Variants in CRTAP observed in about 807,000 individuals in gnomAD.
CRTAP encodes cartilage-associated protein.
In CRTAP, 33 loss-of-function variants were observed where a neutral mutation model predicts 42.7. That is an observed-to-expected ratio of 0.77 (90% CI 0.59 to 1.03). CRTAP has a LOEUF of 1.03. CRTAP is among the 50% of genes least tolerant of loss of function. The pLI is 0.00. For missense variants in CRTAP, 613 were observed against 533.9 expected (o/e 1.15, Z -1.46); for synonymous variants, 243 against 217.7 (o/e 1.12, Z -1.02).
At chr3:33,137,295 A>C (rs1231035329) in intron 6 of CRTAP, among the ~76,000 whole-genome samples, 2 of 151,998 alleles carry the variant, frequency 1.3e-5, no homozygotes, top group Non-Finnish European at 1.5e-5. Context: ...GCGCACCACC[A>C]CACCCAGCTA....
At chr3:33,137,318 G>A (rs923842345) in intron 6 of CRTAP, among the ~76,000 whole-genome samples, 4 of 151,872 alleles carry the variant, frequency 2.6e-5, no homozygotes, top group African/African-American at 9.7e-5. Flanking sequence ...TTTTTGTATT[G>A]TTAGTTGAGA....
intron 5 of CRTAP, among the ~76,000 whole-genome samples, chr3:33,133,691 G>C (rs561084515): frequency 6.6e-6 from 1 of 152,008 alleles, no homozygotes; most frequent in East Asian, 1.9e-4. Flanking sequence ...ACAATTTGTC[G>C]TGAATATTTC....
At chr3:33,131,211 G>A (rs113997758) in intron 4 of CRTAP, among the ~76,000 whole-genome samples, 2,477 of 151,410 alleles carry the variant, frequency 0.016, 72 homozygotes, top group African/African-American at 0.057. Flanking sequence ...AGTGAGAGAG[G>A]TGATCTTGGC....
chr3:33,135,732 T>G (rs1275568702), intron 6 of CRTAP, among the ~76,000 whole-genome samples: 1 of 152,094 alleles, frequency 6.6e-6, no homozygotes, highest in Non-Finnish European at 1.5e-5. Flanking sequence ...TTTTTATTAT[T>G]AAAGAAAAAA....
rs140178363 is a variant in CRTAP at position 33,120,210 on chromosome 3, T to G, written c.472-134T>G. 2.2e-5 allele frequency: 18 copies of G among 816,700 alleles called. No individual in the cohort carries two copies. In the East Asian group the frequency reaches 4.6e-4, roughly 21 times the overall value. 50.6% of individuals were successfully genotyped at this position (816,700 alleles called of 1,614,324 possible). Reference sequence around the variant, plus strand: ...GCCTGGACTTGGTCTTGAGGGGCCCTGGAAGTCATGGAACCTTTAGCTGGA... The same window carrying G: ...GCCTGGACTTGGTCTTGAGGGGCCCGGGAAGTCATGGAACCTTTAGCTGGA... On this transcript the variant is annotated intron_variant, in intron 1 of 6. Transcript: ENST00000320954.
chr3:33,137,497 A>G (rs2030456971), intron 6 of CRTAP, among the ~76,000 whole-genome samples: 9 of 152,200 alleles, frequency 5.9e-5, no homozygotes, highest in Admixed American at 5.2e-4. Context: ...GGCCATTTGT[A>G]TATCTTTGAA....
At chr3:33,114,688 TCTC>T (rs1244177154) in intron 1 of CRTAP, 140 bp downstream of exon 1, 5 of 751,088 alleles carry the variant, frequency 6.7e-6, no homozygotes, top group African/African-American at 1.8e-5. Context: ...CTGCCAAAGG[TCTC>T]CTCCAAGTCC....
At chr3:33,114,600 T>C in intron 1 of CRTAP, 52 bp downstream of exon 1, 1 of 1,519,146 alleles carries the variant, frequency 6.6e-7, no homozygotes, top group East Asian at 2.4e-5. Flanking sequence ...TGACCCAGCC[T>C]CCAGGCCCTA....
Position 33,120,053 on chromosome 3 carries a change from C to T in CRTAP, c.472-291C>T, listed in dbSNP as rs555447245. Among the ~76,000 whole-genome samples the T allele has an allele frequency of 7.9e-5, 12 of 152,200 alleles. No individual in the cohort carries two copies. The South Asian group carries it at 2.1e-3, about 26-fold the overall frequency. ...GTGAACCTCTTTGGAAGCCAGAGAG[C>T]GAGGGAGTCTGTTGTTATAGTCCAC... On this transcript the variant is annotated intron_variant, in intron 1 of 6. Coordinates refer to ENST00000320954, the MANE Select transcript of CRTAP (RefSeq NM_006371.5).
Position 33,114,082 on chromosome 3 carries a change from A to G in CRTAP, c.5A>G (p.Glu2Gly). The change falls in exon 1 of 7, where the codon GAG (glutamate) becomes GGG (glycine). Residue 2 changes from glutamate (E) to glycine (G), a missense_variant. Coordinates refer to ENST00000320954, the MANE Select transcript of CRTAP (RefSeq NM_006371.5). ...TCCTTCCTTTCGCCGGGCGCGATGGAGCCGGGGCGCCGGGGGGCCGCGGCG... is the reference window on the plus strand; with the variant it reads ...TCCTTCCTTTCGCCGGGCGCGATGGGGCCGGGGCGCCGGGGGGCCGCGGCG... Reference protein sequence around the residue: MEPGRRGAAALL... With the variant: MGPGRRGAAALL... 1 of 1,459,878 alleles carries G rather than the reference A, an allele frequency of 6.8e-7. No individual in the cohort carries two copies. The highest frequency in any genetic ancestry group is 9.0e-7 in the Non-Finnish European group (1 of 1,112,820). 90.4% of individuals were successfully genotyped at this position (1,459,878 alleles called of 1,614,324 possible). A position where few individuals can be genotyped will look rare whatever the true frequency, so the allele number is the denominator to read the frequency against.
In CRTAP at chr3:33,124,486, C is replaced by T. The variant is rs1288180639; in HGVS notation, c.700C>T (p.Pro234Ser). The change falls in exon 3 of 7, where the codon CCC (proline) becomes TCC (serine). Residue 234 changes from proline to serine, a missense_variant. Physicochemically the swap from Pro to Ser is moderately conservative, Grantham distance 74 (BLOSUM62 -1). Transcript: ENST00000320954. The part of the protein sequence containing the change: ...TSITDMELAL[P>S]DFFKAFYECL... Reference sequence around the variant, plus strand: ...CATCACAGACATGGAGCTGGCCCTTCCCGACTTCTTCAAAGCCTTTTACGA... The same window carrying T: ...CATCACAGACATGGAGCTGGCCCTTTCCGACTTCTTCAAAGCCTTTTACGA... 6.2e-7 allele frequency: 1 copy of T among 1,614,112 alleles called. No homozygotes were observed. The highest frequency in any genetic ancestry group is 8.5e-7 in the Non-Finnish European group (1 of 1,180,054).
intron 6 of CRTAP, among the ~76,000 whole-genome samples, chr3:33,140,918 C>G (rs1404753776): frequency 6.6e-6 from 1 of 152,148 alleles, no homozygotes; most frequent in Non-Finnish European, 1.5e-5. Flanking sequence ...GTTGTTCTTG[C>G]CTTTTGTAGT....
intron 6 of CRTAP, among the ~76,000 whole-genome samples, chr3:33,138,822 C>T (rs2030494529): frequency 6.6e-6 from 1 of 151,632 alleles, no homozygotes; most frequent in Non-Finnish European, 1.5e-5. Context: ...GCCTGGGCAA[C>T]ATAGCAAGAC....
intron 3 of CRTAP, among the ~76,000 whole-genome samples, chr3:33,128,556 C>A (rs538381940): frequency 6.6e-6 from 1 of 152,128 alleles, no homozygotes; most frequent in South Asian, 2.1e-4. Context: ...TGTTTGTTTG[C>A]ACCCTTATTG....
intron 6 of CRTAP, among the ~76,000 whole-genome samples, chr3:33,137,416 C>T (rs73045333): frequency 0.13 from 19,359 of 152,266 alleles, 1,529 homozygotes; most frequent in East Asian, 0.26. Context: ...GCTGGGATTA[C>T]AGGCGTGAGC....
chr3:33,123,819 G>A (rs1288828756), intron 2 of CRTAP, among the ~76,000 whole-genome samples: 2 of 151,928 alleles, frequency 1.3e-5, no homozygotes, highest in Non-Finnish European at 2.9e-5. Flanking sequence ...TACAGATGGG[G>A]TTTCCCTATA....
Position 33,114,306 on chromosome 3 carries a change from C to T in CRTAP, c.229C>T (p.Leu77=), listed in dbSNP as rs1259824373. 6.4e-7 allele frequency: 1 copy of T among 1,557,942 alleles called. No individual in the cohort carries two copies. The highest frequency in any genetic ancestry group is 8.6e-7 in the Non-Finnish European group (1 of 1,160,016). ...GATCAGCCTGCGGCTGCACCGCTTG[C>T]TGCGCGACAGCGAGGCCTTCTGCCA... ...LEISLRLHRL[L]RDSEAFCHRN... The change falls in exon 1 of 7, where the codon CTG becomes TTG. Residue 77 remains leucine (L), a synonymous_variant. Transcript: ENST00000320954.
chr3:33,144,314 G>A lies in CRTAP; in HGVS notation c.*1866G>A, dbSNP rs1394163967. The A allele has an allele frequency of 6.6e-6, 1 of 152,272 alleles. No individual in the cohort carries two copies. The highest frequency in any genetic ancestry group is 1.5e-5 in the Non-Finnish European group (1 of 68,074). The allele number at this position is 152,272 out of a possible 1,614,324, so 9.4% of individuals were successfully genotyped here. ...GATGGGCTGGGTAAGTATGGAATTT[G>A]GTGCAAAGCAGGCTGTCTGTGGTTG... On this transcript the variant is annotated 3_prime_UTR_variant, in exon 7 of 7. Transcript: ENST00000320954.
In CRTAP at chr3:33,120,152, T is replaced by C. The variant is rs925256698; in HGVS notation, c.472-192T>C. On this transcript the variant is annotated intron_variant, in intron 1 of 6. Coordinates refer to ENST00000320954, the MANE Select transcript of CRTAP (RefSeq NM_006371.5). ...AGGCAGACCGAGGCCATCCAGACAGTCGCTTTCAGGAAATCAGCACTTGTC... is the reference window on the plus strand; with the variant it reads ...AGGCAGACCGAGGCCATCCAGACAGCCGCTTTCAGGAAATCAGCACTTGTC... 6.6e-5 allele frequency among the ~76,000 whole-genome samples: 10 copies of C among 152,170 alleles called. No individual in the cohort carries two copies. The South Asian group carries it at 2.1e-3, about 32-fold the overall frequency.
Sources: allele counts gnomAD v4.1 joint callset (sites outside exome capture counted in the v4.1 genomes callset), GRCh38; gene constraint gnomAD v4.1.1; transcripts MANE v1.5; gene names NCBI Gene and HGNC (gene_info 2026-07-23, HGNC 2026-07-21).